The following LRMDA variants were observed in gnomAD, a reference collection of about 807,000 sequenced individuals.
The protein encoded by LRMDA is leucine rich melanocyte differentiation associated.
Under a neutral mutation model 29.8 loss-of-function variants are expected in LRMDA, and 18 were observed. That is an observed-to-expected ratio of 0.60 (90% CI 0.42 to 0.90). LRMDA has a LOEUF of 0.90. Among genes scored for constraint, LRMDA ranks in the 40% least tolerant of loss-of-function variants. LRMDA has a pLI of 0.00. For synonymous variants in LRMDA, 125 were observed against 109.4 expected (o/e 1.14, Z -0.89); for missense variants, 273 against 273.9 (o/e 1.00, Z 0.02).
intron 5 of LRMDA, among the ~76,000 whole-genome samples, chr10:76,245,942 T>C (rs139104422): frequency 1.3e-5 from 2 of 152,276 alleles, no homozygotes; most frequent in African/African-American, 4.8e-5. Flanking sequence ...ATCAACAATA[T>C]AAAAATTAGA....
intron 5 of LRMDA, among the ~76,000 whole-genome samples, chr10:76,229,745 T>C (rs1852025731): frequency 6.6e-6 from 1 of 151,834 alleles, no homozygotes; most frequent in Non-Finnish European, 1.5e-5. Context: ...GGGTGGGAGG[T>C]TGGGGAGGAT....
intron 2 of LRMDA, among the ~76,000 whole-genome samples, chr10:75,704,495 G>T (rs1318651029): frequency 6.6e-6 from 1 of 152,120 alleles, no homozygotes. Context: ...ATTTGTCATG[G>T]TGCAGGACCA....
At chr10:75,462,529 A>C (rs1211442179) in intron 2 of LRMDA, among the ~76,000 whole-genome samples, 1 of 152,256 alleles carries the variant, frequency 6.6e-6, no homozygotes, top group East Asian at 1.9e-4. Context: ...CAGTTAAAAG[A>C]ATATGAAAAA....
At chr10:76,462,236 A>G (rs890205527) in intron 6 of LRMDA, among the ~76,000 whole-genome samples, 3 of 152,100 alleles carry the variant, frequency 2.0e-5, no homozygotes, top group African/African-American at 7.2e-5. Flanking sequence ...GGCAATTTGT[A>G]TACACTTAAA....
At chr10:75,487,481 A>G (rs1227202752) in intron 2 of LRMDA, among the ~76,000 whole-genome samples, 1 of 152,210 alleles carries the variant, frequency 6.6e-6, no homozygotes, top group African/African-American at 2.4e-5. Context: ...GGTATTTCAC[A>G]CACCCAAGCC....
intron 6 of LRMDA, among the ~76,000 whole-genome samples, chr10:76,533,287 C>G (rs1192843675): frequency 2.0e-5 from 3 of 152,110 alleles, no homozygotes; most frequent in Non-Finnish European, 4.4e-5. Flanking sequence ...GTATATTGAC[C>G]ATGACAGGCC....
chr10:75,891,461 C>A (rs963397478), intron 2 of LRMDA, among the ~76,000 whole-genome samples: 1 of 150,712 alleles, frequency 6.6e-6, no homozygotes, highest in Non-Finnish European at 1.5e-5. Flanking sequence ...ACAGCACACA[C>A]AAAGCCTTGA....
intron 6 of LRMDA, among the ~76,000 whole-genome samples, chr10:76,454,474 G>C (rs1166013062): frequency 6.6e-6 from 1 of 152,004 alleles, no homozygotes; most frequent in Non-Finnish European, 1.5e-5. Context: ...AGCAAAACAA[G>C]CAAGCAGAGA....
intron 2 of LRMDA, among the ~76,000 whole-genome samples, chr10:75,945,129 T>C (rs967606747): frequency 1.3e-5 from 2 of 152,148 alleles, no homozygotes; most frequent in Non-Finnish European, 2.9e-5. Context: ...GTATTACCTT[T>C]CCCTCCTCCC....
chr10:75,610,213 C>T (rs1378573982), intron 2 of LRMDA, among the ~76,000 whole-genome samples: 2 of 152,162 alleles, frequency 1.3e-5, no homozygotes, highest in Non-Finnish European at 2.9e-5. Context: ...ACTGTCACCA[C>T]TATTTAGTTC....
intron 2 of LRMDA, among the ~76,000 whole-genome samples, chr10:76,023,389 A>G (rs1176433444): frequency 1.3e-5 from 2 of 152,058 alleles, no homozygotes; most frequent in Non-Finnish European, 2.9e-5. Flanking sequence ...GATCGTTTTT[A>G]TTAATCAGAT....
intron 6 of LRMDA, among the ~76,000 whole-genome samples, chr10:76,484,887 T>G (rs1406709531): frequency 6.6e-6 from 1 of 151,900 alleles, no homozygotes; most frequent in Non-Finnish European, 1.5e-5. Context: ...CTTTTACCAT[T>G]GTATAATGTC....
At chr10:76,310,868 T>C (rs1840621145) in intron 5 of LRMDA, among the ~76,000 whole-genome samples, 1 of 152,232 alleles carries the variant, frequency 6.6e-6, no homozygotes, top group South Asian at 2.1e-4. Flanking sequence ...ATATTTAATT[T>C]GGACATGTAA....
chr10:75,752,321 C>T lies in LRMDA; in HGVS notation c.132-283687C>T, dbSNP rs144489235. On this transcript the variant is annotated intron_variant, in intron 2 of 6. Coordinates refer to ENST00000611255, the MANE Select transcript of LRMDA (RefSeq NM_001305581.2). ...CCGCCTCCCAGGCTCATGCCATTCTCCTGCCTCAGCCTCCTGAGTAGCTGG... is the reference window on the plus strand; with the variant it reads ...CCGCCTCCCAGGCTCATGCCATTCTTCTGCCTCAGCCTCCTGAGTAGCTGG... Among the ~76,000 whole-genome samples, 568 of 150,536 alleles carry T rather than the reference C, an allele frequency of 3.8e-3. 2 individuals carry two copies. The highest frequency in any genetic ancestry group is 0.013 in the African/African-American group (528 of 40,926).
chr10:76,147,691 A>C (rs1850355528), intron 5 of LRMDA, among the ~76,000 whole-genome samples: 1 of 152,012 alleles, frequency 6.6e-6, no homozygotes, highest in African/African-American at 2.4e-5. Context: ...AACTCGTCAA[A>C]GTCATTCTCC....
chr10:75,612,743 C>T (rs1841048007), intron 2 of LRMDA, among the ~76,000 whole-genome samples: 1 of 150,276 alleles, frequency 6.7e-6, no homozygotes, highest in Non-Finnish European at 1.5e-5. Flanking sequence ...ATTTTCATGC[C>T]CTCTCACTGT....
intron 2 of LRMDA, among the ~76,000 whole-genome samples, chr10:75,880,957 C>G (rs1004235921): frequency 1.3e-5 from 2 of 152,288 alleles, no homozygotes; most frequent in African/African-American, 2.4e-5. Flanking sequence ...ATCTGACCAT[C>G]TGCCTACTCT....
At chr10:75,938,779 G>T (rs538697685) in intron 2 of LRMDA, among the ~76,000 whole-genome samples, 1 of 152,188 alleles carries the variant, frequency 6.6e-6, no homozygotes, top group Non-Finnish European at 1.5e-5. Context: ...GGGCAATAAA[G>T]CAGCATAGAG....
At chr10:75,707,150 T>A (rs569939461) in intron 2 of LRMDA, among the ~76,000 whole-genome samples, 107 of 152,342 alleles carry the variant, frequency 7.0e-4, no homozygotes, top group African/African-American at 2.3e-3. Context: ...TGTGTGTGTA[T>A]ACCTCTGGAG....
Sources: allele counts gnomAD v4.1 joint callset (sites outside exome capture counted in the v4.1 genomes callset), GRCh38; gene constraint gnomAD v4.1.1; transcripts MANE v1.5; gene names NCBI Gene and HGNC (gene_info 2026-07-23, HGNC 2026-07-21).